Variants in TRAF3IP1 observed in about 807,000 individuals in gnomAD.
TRAF3IP1 encodes the protein TRAF3-interacting protein 1.
In TRAF3IP1, 53 loss-of-function variants were observed where a neutral mutation model predicts 89.9. That is an observed-to-expected ratio of 0.59 (90% CI 0.47 to 0.74). The LOEUF (loss-of-function observed/expected upper bound fraction) is 0.74. TRAF3IP1 is among the 30% of genes least tolerant of loss of function. The pLI is 0.00. For missense variants in TRAF3IP1, 806 were observed against 866.1 expected (o/e 0.93, Z 0.87); for synonymous variants, 311 against 322.1 (o/e 0.97, Z 0.37).
Position 238,320,597 on chromosome 2 carries a change from A to C in TRAF3IP1, c.-66A>C, listed in dbSNP as rs907294586. ...GCGGCGGGGCCGGCGGCGGCCAGGGACCCGGGCTTAGGCTCGGCCAGGCCG... is the reference window on the plus strand; with the variant it reads ...GCGGCGGGGCCGGCGGCGGCCAGGGCCCCGGGCTTAGGCTCGGCCAGGCCG... On this transcript the variant is annotated 5_prime_UTR_variant, in exon 1 of 17. Coordinates refer to ENST00000373327, the MANE Select transcript of TRAF3IP1 (RefSeq NM_015650.4). 7.1e-6 allele frequency: 8 copies of C among 1,124,192 alleles called. No individual in the cohort carries two copies. The highest frequency in any genetic ancestry group is 8.7e-6 in the Non-Finnish European group (8 of 916,782). 69.6% of individuals were successfully genotyped at this position (1,124,192 alleles called of 1,614,324 possible).
At chr2:238,347,544 C>T in intron 10 of TRAF3IP1, 69 bp downstream of exon 10, 2 of 1,493,268 alleles carry the variant, frequency 1.3e-6, no homozygotes, top group East Asian at 4.5e-5. Flanking sequence ...TGAATGTGGA[C>T]TCTCAGATTC....
chr2:238,349,529 A>G (rs1699052185), intron 12 of TRAF3IP1, 121 bp downstream of exon 12: 2 of 999,372 alleles, frequency 2.0e-6, no homozygotes, highest in Non-Finnish European at 3.0e-6. Flanking sequence ...CTATTGAGGA[A>G]CAAAAAGTGA....
chr2:238,333,574 G>A (rs536800262), intron 6 of TRAF3IP1, among the ~76,000 whole-genome samples: 1 of 152,156 alleles, frequency 6.6e-6, no homozygotes, highest in African/African-American at 2.4e-5. Context: ...TTTGATTTGT[G>A]TTCTGTTTAA....
At chr2:238,376,522 T>C (rs1402738596) in intron 15 of TRAF3IP1, among the ~76,000 whole-genome samples, 4 of 152,210 alleles carry the variant, frequency 2.6e-5, no homozygotes, top group Non-Finnish European at 5.9e-5. Context: ...AACCTGCTTA[T>C]TGAGTGCCGT....
chr2:238,356,565 T>G (rs1699418537), intron 15 of TRAF3IP1, among the ~76,000 whole-genome samples: 1 of 152,042 alleles, frequency 6.6e-6, no homozygotes, highest in Non-Finnish European at 1.5e-5. Flanking sequence ...ACTTCCTCTG[T>G]GGGGCTACTT....
Position 238,337,743 on chromosome 2 carries a change from A to AG in TRAF3IP1, c.1064-614dup, listed in dbSNP as rs576115636. 3.0e-4 allele frequency among the ~76,000 whole-genome samples: 46 copies of AG among 152,218 alleles called. 1 individual carries two copies. The South Asian group carries it at 9.3e-3, about 31-fold the overall frequency. On this transcript the variant is annotated intron_variant, in intron 7 of 16. Coordinates refer to ENST00000373327, the MANE Select transcript of TRAF3IP1 (RefSeq NM_015650.4). ...CATTGTGGGAGGGGTCTGGGCTCCTAGGGGGTGGCCTTTATTGACATAGAC... is the reference window on the plus strand; with the variant it reads ...CATTGTGGGAGGGGTCTGGGCTCCTAGGGGGGTGGCCTTTATTGACATAGAC...
At chr2:238,387,616 A>G (rs1700826760) in intron 15 of TRAF3IP1, among the ~76,000 whole-genome samples, 1 of 152,210 alleles carries the variant, frequency 6.6e-6, no homozygotes, top group South Asian at 2.1e-4. Context: ...ATTGGGACAT[A>G]TATAAGATTA....
chr2:238,370,124 A>G (rs1700044302), intron 15 of TRAF3IP1, among the ~76,000 whole-genome samples: 1 of 152,174 alleles, frequency 6.6e-6, no homozygotes. Flanking sequence ...AGGTCATCTC[A>G]GTGAACAGAG....
At chr2:238,324,949 C>A (rs2106358003) in intron 1 of TRAF3IP1, among the ~76,000 whole-genome samples, 1 of 152,266 alleles carries the variant, frequency 6.6e-6, no homozygotes, top group African/African-American at 2.4e-5. Flanking sequence ...TGTCCCCTTG[C>A]CCAACTCTTC....
intron 7 of TRAF3IP1, among the ~76,000 whole-genome samples, chr2:238,337,166 A>G (rs2106375694): frequency 6.6e-6 from 1 of 152,276 alleles, no homozygotes; most frequent in South Asian, 2.1e-4. Context: ...GCAGACATTT[A>G]TGATAATAAA....
intron 15 of TRAF3IP1, among the ~76,000 whole-genome samples, chr2:238,368,707 G>A (rs1384268233): frequency 6.6e-6 from 1 of 152,048 alleles, no homozygotes; most frequent in Non-Finnish European, 1.5e-5. Context: ...TTTCACTCTT[G>A]TTGCCCAGGC....
At chr2:238,388,392 A>AAG (rs1700863392) in intron 15 of TRAF3IP1, among the ~76,000 whole-genome samples, 1 of 150,068 alleles carries the variant, frequency 6.7e-6, no homozygotes, top group Non-Finnish European at 1.5e-5. Flanking sequence ...AAAAAAAAAA[A>AAG]GGATGTGTTT....
chr2:238,354,533 C>CT (rs910571536), intron 14 of TRAF3IP1, among the ~76,000 whole-genome samples: 4 of 152,226 alleles, frequency 2.6e-5, no homozygotes, highest in African/African-American at 9.6e-5. Flanking sequence ...TGTCCCCATG[C>CT]TTTATGATCC....
chr2:238,354,620 GATTTTATTTT>G (rs893364614), intron 14 of TRAF3IP1, among the ~76,000 whole-genome samples: 29 of 151,982 alleles, frequency 1.9e-4, no homozygotes, highest in African/African-American at 6.0e-4. Flanking sequence ...AACGCTGAAG[GATTTTATTTT>G]ATTTTATTTT....
chr2:238,363,016 G>A (rs887409922), intron 15 of TRAF3IP1, among the ~76,000 whole-genome samples: 1 of 152,140 alleles, frequency 6.6e-6, no homozygotes, highest in Admixed American at 6.5e-5. Flanking sequence ...GTTTGAAGTA[G>A]CCTTTATGAT....
intron 14 of TRAF3IP1, among the ~76,000 whole-genome samples, chr2:238,353,604 A>C (rs1345902473): frequency 2.0e-5 from 3 of 152,196 alleles, no homozygotes; most frequent in Non-Finnish European, 2.9e-5. Flanking sequence ...CGTTCCCCAC[A>C]CCAGGGTTTG....
chr2:238,346,756 A>C (rs1698912584), intron 9 of TRAF3IP1, among the ~76,000 whole-genome samples: 1 of 152,176 alleles, frequency 6.6e-6, no homozygotes, highest in Non-Finnish European at 1.5e-5. Context: ...CTGGGCTGTC[A>C]TGTGAATCCA....
At chr2:238,327,680 C>T (rs1574891838) in intron 3 of TRAF3IP1, among the ~76,000 whole-genome samples, 1 of 152,090 alleles carries the variant, frequency 6.6e-6, no homozygotes, top group African/African-American at 2.4e-5. Context: ...CACCACCTTC[C>T]ATCTCCAGGA....
rs1700887696 is a variant in TRAF3IP1 at position 238,388,968 on chromosome 2, A to G, written c.1690-8491A>G. 1.3e-5 allele frequency among the ~76,000 whole-genome samples: 2 copies of G among 152,102 alleles called. 1 individual carries two copies. Among genetic ancestry groups the G allele is most frequent in the East Asian group, 3.8e-4 (2 of 5,196 alleles). The stretch of plus-strand genomic sequence containing the variant: ...ACTTTTGACAGGTTGCATATAAATC[A>G]ATTCCTGAGGTCATGAGAGAGTATG... On this transcript the variant is annotated intron_variant, in intron 15 of 16. Coordinates refer to ENST00000373327, the MANE Select transcript of TRAF3IP1 (RefSeq NM_015650.4).
Sources: gnomAD v4.1 joint callset for allele counts (sites outside exome capture counted in the v4.1 genomes callset) on GRCh38, gnomAD v4.1.1 for gene constraint, MANE v1.5 for transcripts, NCBI Gene and HGNC (gene_info 2026-07-23, HGNC 2026-07-21) for gene names.